Variants in ELMO1 observed in about 807,000 individuals in gnomAD.
ELMO1 encodes engulfment and cell motility 1.
ELMO1 carries 26 observed loss-of-function variants against 98.9 expected under a neutral mutation model. The ratio of observed to expected loss-of-function variants is 0.26; its 90% CI spans 0.19 to 0.36. ELMO1 has a LOEUF of 0.36. Ranked by LOEUF, ELMO1 falls within the 10% of genes least tolerant of loss-of-function variation. The pLI is 1.00. For missense variants in ELMO1, 627 were observed against 935.2 expected, an observed-to-expected ratio of 0.67 and a Z score of 4.30; for synonymous variants, 346 against 346.0, an observed-to-expected ratio of 1.00 and a Z score of 0.00.
intron 4 of ELMO1, among the ~76,000 whole-genome samples, chr7:37,312,815 A>G (rs1333698789): frequency 6.6e-6 from 1 of 152,190 alleles, no homozygotes; most frequent in Non-Finnish European, 1.5e-5. Context: ...ACCCAGGGTA[A>G]ATCACCAGTG....
chr7:36,982,770 C>T (rs1012540768), intron 16 of ELMO1, among the ~76,000 whole-genome samples: 5 of 152,132 alleles, frequency 3.3e-5, no homozygotes, highest in African/African-American at 1.2e-4. Flanking sequence ...CAGCCTAACC[C>T]CTTCTTTCTC....
At chr7:37,183,796 T>C (rs2160430) in intron 13 of ELMO1, among the ~76,000 whole-genome samples, 112,492 of 152,000 alleles carry the variant, frequency 0.74, 41,832 homozygotes, top group South Asian at 0.87. Context: ...TCTGCTTCGA[T>C]TTCACTGGTA....
intron 10 of ELMO1, among the ~76,000 whole-genome samples, chr7:37,218,667 T>C (rs1444105065): frequency 6.6e-6 from 1 of 152,220 alleles, no homozygotes; most frequent in Non-Finnish European, 1.5e-5. Context: ...AAATATTGTT[T>C]AGTTTTAAAA....
At chr7:37,408,934 T>C (rs1451163179) in intron 1 of ELMO1, among the ~76,000 whole-genome samples, 1 of 152,172 alleles carries the variant, frequency 6.6e-6, no homozygotes, top group East Asian at 1.9e-4. Flanking sequence ...AAAAAAATTG[T>C]TTTAATAAAA....
At chr7:36,989,388 G>A (rs1791720471) in intron 16 of ELMO1, among the ~76,000 whole-genome samples, 1 of 152,172 alleles carries the variant, frequency 6.6e-6, no homozygotes, top group Non-Finnish European at 1.5e-5. Context: ...GATTCCTGGG[G>A]TCCAAGTGCA....
chr7:37,296,606 T>C (rs747916134), intron 4 of ELMO1, among the ~76,000 whole-genome samples: 37 of 152,130 alleles, frequency 2.4e-4, no homozygotes, highest in East Asian at 9.6e-4. Context: ...AGGGATTAGA[T>C]GGGTGTGTAA....
chr7:37,157,820 G>T (rs1331581922), intron 13 of ELMO1, among the ~76,000 whole-genome samples: 2 of 151,882 alleles, frequency 1.3e-5, no homozygotes, highest in Non-Finnish European at 2.9e-5. Flanking sequence ...AGTTCATATG[G>T]AACCAAAAAA....
chr7:36,884,189 G>C (rs571381389), intron 18 of ELMO1, among the ~76,000 whole-genome samples: 3 of 152,042 alleles, frequency 2.0e-5, no homozygotes, highest in Admixed American at 2.0e-4. Context: ...CGGGCATGGT[G>C]GCGGGTGCCT....
At chr7:37,376,774 G>C (rs1802366306) in intron 1 of ELMO1, among the ~76,000 whole-genome samples, 1 of 152,202 alleles carries the variant, frequency 6.6e-6, no homozygotes, top group Non-Finnish European at 1.5e-5. Flanking sequence ...GCTGCCTTGT[G>C]ATAACTAAAC....
intron 16 of ELMO1, among the ~76,000 whole-genome samples, chr7:36,999,481 G>C (rs368550161): frequency 6.6e-5 from 10 of 152,192 alleles, no homozygotes; most frequent in Non-Finnish European, 8.8e-5. Context: ...GCAAGGAAAC[G>C]AAGGAGCTAG....
rs2129055268 is a variant in ELMO1, at chr7:36,894,947, T to C, written c.1508A>G (p.Lys503Arg). ...GTAGCTCAGGTTCTGCAGTTTGCTC[T>C]TGAACTGGTCCAGGGAGCTAGGCTT... is the stretch of plus-strand genomic sequence containing the variant. ...TTKPSSLDQF[K>R]SKLQNLSYTE... The change falls in exon 17 of 22, where the codon AAG (lysine) becomes AGG (arginine). Residue 503 changes from lysine to arginine, a missense_variant. Transcript: ENST00000310758. 6.2e-7 allele frequency: 1 copy of C among 1,614,190 alleles called. No homozygotes were observed. The highest frequency in any genetic ancestry group is 2.2e-5 in the East Asian group (1 of 44,878).
At chr7:36,883,742 C>T (rs1430656364) in intron 18 of ELMO1, among the ~76,000 whole-genome samples, 1 of 152,118 alleles carries the variant, frequency 6.6e-6, no homozygotes, top group Non-Finnish European at 1.5e-5. Flanking sequence ...CCTACAGAAC[C>T]GTGAACCAAT....
intron 13 of ELMO1, among the ~76,000 whole-genome samples, chr7:37,149,150 A>G (rs1788197278): frequency 6.6e-6 from 1 of 152,234 alleles, no homozygotes; most frequent in African/African-American, 2.4e-5. Context: ...CCAGGAAGTC[A>G]AAGGCATGCA....
rs186487702 is a variant in ELMO1 at position 37,263,969 on chromosome 7, T to C, written c.244-4619A>G. On this transcript the variant is annotated intron_variant, in intron 5 of 21. Coordinates refer to ENST00000310758, the MANE Select transcript of ELMO1 (RefSeq NM_014800.11). ...TAAAACAGCATTCATAGCCAAACAT[T>C]GAGCAACCATCGTGTTTACCAATAG... Among the ~76,000 whole-genome samples the C allele has an allele frequency of 3.9e-5, 6 of 152,274 alleles. No individual in the cohort carries two copies. In the East Asian group the frequency reaches 1.2e-3, roughly 29 times the overall value.
Position 37,111,706 on chromosome 7 carries a change from A to C in ELMO1, c.1192-14979T>G, listed in dbSNP as rs1279678651. Among the ~76,000 whole-genome samples the C allele has an allele frequency of 2.0e-5, 3 of 152,232 alleles. No individual in the cohort carries two copies. The East Asian group carries it at 5.8e-4, about 29-fold the overall frequency. On this transcript the variant is annotated intron_variant, in intron 14 of 21. Coordinates refer to ENST00000310758, the MANE Select transcript of ELMO1 (RefSeq NM_014800.11). ...GTACAATGATAGTGAGAATTCAATA[A>C]GGTAATGCATATAAAATGTTCATAA...
At chr7:37,368,196 G>C (rs1801978134) in intron 1 of ELMO1, among the ~76,000 whole-genome samples, 1 of 151,920 alleles carries the variant, frequency 6.6e-6, no homozygotes, top group Non-Finnish European at 1.5e-5. Flanking sequence ...TAAGAAGGGG[G>C]GTGGCAAATT....
rs140153846 is a variant in ELMO1, at chr7:37,435,525, G to C, written c.-74+13150C>G. ...ATGCCATTTCTCTGTGCCTTGCTTT[G>C]ATCTAGTCATAAAAAATTGTCTTAA... On this transcript the variant is annotated intron_variant, in intron 1 of 21. Transcript: ENST00000310758. Among the ~76,000 whole-genome samples, 3 of 152,276 alleles carry C rather than the reference G, an allele frequency of 2.0e-5. No individual in the cohort carries two copies. In the East Asian group the frequency reaches 5.8e-4, roughly 29 times the overall value.
chr7:37,014,137 T>C (rs1337023341), intron 15 of ELMO1, among the ~76,000 whole-genome samples: 2 of 152,182 alleles, frequency 1.3e-5, no homozygotes, highest in Non-Finnish European at 2.9e-5. Context: ...TCACACCTAG[T>C]GCTCGGAACT....
chr7:37,388,746 T>C (rs914532937), intron 1 of ELMO1, among the ~76,000 whole-genome samples: 6 of 151,852 alleles, frequency 4.0e-5, no homozygotes, highest in Non-Finnish European at 7.4e-5. Flanking sequence ...GAGGTTACAG[T>C]GAACTATGAT....
Sources: allele counts gnomAD v4.1 joint callset (sites outside exome capture counted in the v4.1 genomes callset), GRCh38; gene constraint gnomAD v4.1.1; transcripts MANE v1.5; gene names NCBI Gene and HGNC (gene_info 2026-07-23, HGNC 2026-07-21).